Variants in RNF148 observed in about 807,000 individuals in gnomAD.
RNF148 encodes ring finger protein 148.
Under a neutral mutation model 21.1 loss-of-function variants are expected in RNF148, and 16 were observed. The observed-to-expected ratio is 0.76, with a 90% CI of 0.51 to 1.15. The LOEUF (loss-of-function observed/expected upper bound fraction) is 1.15, where lower values mean the gene tolerates loss of function less well. Ranked by LOEUF, RNF148 falls within the 50% of genes most tolerant of loss-of-function variation. The pLI is 0.00. For missense variants in RNF148, 424 were observed against 374.2 expected (o/e 1.13, Z -1.10); for synonymous variants, 150 against 136.4 (o/e 1.10, Z -0.69).
chr7:122,702,761 G>T lies in RNF148; in HGVS notation c.-11C>A, dbSNP rs779944577. 6.0e-5 allele frequency: 94 copies of T among 1,570,292 alleles called. No homozygotes were observed. The South Asian group carries it at 8.6e-4, about 14-fold the overall frequency. ...TCTAAGGAAGCTCATGCCTCCATTT[G>T]TCTATTAAGAGACAAACATGAGAAA... On this transcript the variant is annotated 5_prime_UTR_variant, in exon 1 of 1. Transcript: ENST00000434824.
Position 122,702,706 on chromosome 7 carries a change from T to G in RNF148, c.45A>C (p.Ser15=), listed in dbSNP as rs745365874. ...RITPSTHSSV[S]SGLLRLSIFL... is the part of the protein sequence containing the mutation. ...AGATACTAAGCCTCAAAAGTCCAGA[T>G]GAAACAGAACTATGCGTCGAAGGGG... The change falls in exon 1 of 1, where the codon TCA becomes TCC. Residue 15 remains serine, a synonymous_variant. Coordinates refer to ENST00000434824, the MANE Select transcript of RNF148 (RefSeq NM_198085.2). 2.0e-5 allele frequency: 32 copies of G among 1,612,300 alleles called. 1 individual carries two copies. The South Asian group carries it at 3.5e-4, about 18-fold the overall frequency.
chr7:122,702,051 T>C lies in RNF148; in HGVS notation c.700A>G (p.Lys234Glu), dbSNP rs1357503437. The change falls in exon 1 of 1, where the codon AAA becomes GAA. Residue 234 changes from lysine to glutamate, a missense_variant. Physicochemically the swap from Lys to Glu is moderately conservative, Grantham distance 56. Transcript: ENST00000434824. ...RRSQIKTDVK[K>E]AIDQLQLRVL... ...CGCAGTTGAAGCTGGTCAATAGCTTTCTTCACATCTGTCTTTATTTGACTT... is the reference window on the plus strand; with the variant it reads ...CGCAGTTGAAGCTGGTCAATAGCTTCCTTCACATCTGTCTTTATTTGACTT... The C allele has an allele frequency of 2.2e-5, 35 of 1,613,630 alleles. No homozygotes were observed. The highest frequency in any genetic ancestry group is 2.7e-5 in the African/African-American group (2 of 75,034).
In RNF148 at chr7:122,702,057, C is replaced by T; in HGVS notation, c.694G>A (p.Val232Met). ...TGAAGCTGGTCAATAGCTTTCTTCA[C>T]ATCTGTCTTTATTTGACTTCGCCTC... ...TRRRSQIKTD[V>M]KKAIDQLQLR... The change falls in exon 1 of 1, where the codon GTG becomes ATG. Residue 232 changes from valine (V) to methionine (M), a missense_variant. By Grantham distance (21) the Val-to-Met change is conservative. Coordinates refer to ENST00000434824, the MANE Select transcript of RNF148 (RefSeq NM_198085.2). 1.2e-6 allele frequency: 2 copies of T among 1,613,604 alleles called. No homozygotes were observed. Among genetic ancestry groups the T allele is most frequent in the East Asian group, 2.2e-5 (1 of 44,870 alleles).
chr7:122,702,336 C>G lies in RNF148; in HGVS notation c.415G>C (p.Val139Leu). ...IYNYQGTGSK[V>L]FPMSHQGTEN... The stretch of plus-strand genomic sequence containing the variant: ...GTCCCCTGGTGAGACATGGGAAATA[C>G]TTTACTGCCCGTACCTTGATAGTTG... The change falls in exon 1 of 1, where the codon GTA becomes CTA. Residue 139 changes from valine to leucine, a missense_variant. Physicochemically the swap from Val to Leu is conservative, Grantham distance 32. Transcript: ENST00000434824. 1 of 1,613,846 alleles carries G rather than the reference C, an allele frequency of 6.2e-7. No individual in the cohort carries two copies. Among genetic ancestry groups the G allele is most frequent in the Non-Finnish European group, 8.5e-7 (1 of 1,179,796 alleles).
At position 122,702,432 on chromosome 7, in the gene RNF148, G is replaced by A. The variant is rs752847373; in HGVS notation, c.319C>T (p.Arg107Cys). The A allele has an allele frequency of 4.0e-5, 65 of 1,613,556 alleles. 1 individual carries two copies. Among genetic ancestry groups the A allele is most frequent in the African/African-American group, 8.0e-5 (6 of 74,854 alleles). ...QADSWLALIE[R>C]GGCTFTHKIN... is the part of the protein sequence containing the mutation. ...TTATGTGTAAAAGTACAGCCTCCAC[G>A]TTCGATGAGGGCCAGCCATGAGTCT... The change falls in exon 1 of 1, where the codon CGT (arginine) becomes TGT (cysteine). Residue 107 changes from arginine to cysteine, a missense_variant. Physicochemically the swap from Arg to Cys is radical, Grantham distance 180. Transcript: ENST00000434824.
In RNF148 at chr7:122,702,460, C is replaced by T; in HGVS notation, c.291G>A (p.Gln97=). 6.2e-7 allele frequency: 1 copy of T among 1,613,792 alleles called. No homozygotes were observed. The highest frequency in any genetic ancestry group is 8.5e-7 in the Non-Finnish European group (1 of 1,179,784). Residue 97 remains glutamine (Q), a synonymous_variant, in exon 1 of 1, where the codon CAG becomes CAA. Transcript: ENST00000434824. ...HPLTNFSRPK[Q]ADSWLALIER... is the part of the protein sequence containing the mutation. ...CGATGAGGGCCAGCCATGAGTCTGC[C>T]TGTTTGGGCCTGCTGAAATTGGTCA...
rs768295004 is a variant in RNF148 at position 122,701,864 on chromosome 7, G to A, written c.887C>T (p.Pro296Leu). The part of the protein sequence containing the change: ...DPWLLAHRTC[P>L]MCKCDILKT ...TTTCAGGATGTCACACTTGCACATG[G>A]GACATGTCCTATGGGCTAAAAGCCA... The change falls in exon 1 of 1, where the codon CCC (proline) becomes CTC (leucine). Residue 296 changes from proline (P) to leucine (L), a missense_variant. Pro to Leu is a moderately conservative substitution (Grantham distance 98). Coordinates refer to ENST00000434824, the MANE Select transcript of RNF148 (RefSeq NM_198085.2). 9 of 1,610,536 alleles carry A rather than the reference G, an allele frequency of 5.6e-6. No individual in the cohort carries two copies. Among genetic ancestry groups the A allele is most frequent in the Non-Finnish European group, 7.6e-6 (9 of 1,178,136 alleles).
Position 122,702,027 on chromosome 7 carries a change from G to A in RNF148, c.724C>T (p.Arg242Ter), listed in dbSNP as rs200113037. 86 of 1,613,452 alleles carry A rather than the reference G, an allele frequency of 5.3e-5. 1 individual carries two copies. Among genetic ancestry groups the A allele is most frequent in the South Asian group, 7.7e-5 (7 of 91,088 alleles). Residue 242 changes from arginine to a stop codon, truncating the protein, a stop_gained, in exon 1 of 1, where the codon CGA (arginine) becomes TGA (stop). Transcript: ENST00000434824. LOFTEE classifies it high-confidence loss of function. ...TCCTCATCCCCTTCTTTGAGAACTC[G>A]CAGTTGAAGCTGGTCAATAGCTTTC... is the stretch of plus-strand genomic sequence containing the variant. ...VKKAIDQLQLRVLKEGDEELD... is the reference protein window; with the variant it reads ...VKKAIDQLQL
rs375968902 is a variant in RNF148, at chr7:122,701,959, T to C, written c.792A>G (p.Thr264=). The change falls in exon 1 of 1, where the codon ACA becomes ACG. Residue 264 remains threonine, a synonymous_variant. Coordinates refer to ENST00000434824, the MANE Select transcript of RNF148 (RefSeq NM_198085.2). The stretch of plus-strand genomic sequence containing the variant: ...TGCGTACTACATCTTGGGGTTTGTA[T>C]GTGTCAAAGCAAACAACACAGTTGT... ...NEDNCVVCFD[T]YKPQDVVRIL... 3 of 1,613,606 alleles carry C rather than the reference T, an allele frequency of 1.9e-6. No homozygotes were observed. The highest frequency in any genetic ancestry group is 2.7e-5 in the African/African-American group (2 of 74,912).
In RNF148 at chr7:122,702,194, C is replaced by T. The variant is rs1357556321; in HGVS notation, c.557G>A (p.Trp186Ter). 4 of 1,613,722 alleles carry T rather than the reference C, an allele frequency of 2.5e-6. No homozygotes were observed. The highest frequency in any genetic ancestry group is 4.5e-5 in the East Asian group (2 of 44,862). ...TAGATACATGATGTAATGGCTCACC[C>T]ACTGCATGTGCATTCTCCCCACTTC... Reference protein sequence around the residue: ...IIEVGRMHMQWVSHYIMYLFT... With the variant: ...IIEVGRMHMQ Residue 186 changes from tryptophan (W) to a stop codon, truncating the protein, a stop_gained, in exon 1 of 1, where the codon TGG becomes TAG. Transcript: ENST00000434824. LOFTEE classifies it high-confidence loss of function.
Position 122,702,805 on chromosome 7 carries a change from TAGA to T in RNF148, c.-58_-56del, listed in dbSNP as rs1422847558. 2 of 1,308,628 alleles carry T rather than the reference TAGA, an allele frequency of 1.5e-6. No homozygotes were observed. Among genetic ancestry groups the T allele is most frequent in the Non-Finnish European group, 1.0e-6 (1 of 958,004 alleles). 81.1% of individuals were successfully genotyped at this position (1,308,628 alleles called of 1,614,324 possible). A position where few individuals can be genotyped will look rare whatever the true frequency, so the allele number is the denominator to read the frequency against. Reference sequence around the variant, plus strand: ...TGAGAAAACAAAACAACATCAGTTGTAGAAGAACATAAAGAAGATAGCTTGTTG... The same window carrying T: ...TGAGAAAACAAAACAACATCAGTTGTAGAACATAAAGAAGATAGCTTGTTG... On this transcript the variant is annotated 5_prime_UTR_variant, in exon 1 of 1. Transcript: ENST00000434824.
At position 122,702,314 on chromosome 7, in the gene RNF148, C is replaced by A. The variant is rs769257087; in HGVS notation, c.437G>T (p.Gly146Val). ...GSKVFPMSHQ[G>V]TENIVAVMIS... is the part of the protein sequence containing the mutation. ...CATCACCGCGACTATATTTTCCGTCCCCTGGTGAGACATGGGAAATACTTT... is the reference window on the plus strand; with the variant it reads ...CATCACCGCGACTATATTTTCCGTCACCTGGTGAGACATGGGAAATACTTT... The change falls in exon 1 of 1, where the codon GGG (glycine) becomes GTG (valine). Residue 146 changes from glycine to valine, a missense_variant. Gly to Val is a moderately radical substitution (Grantham distance 109, BLOSUM62 -3). Transcript: ENST00000434824. The A allele has an allele frequency of 9.3e-6, 15 of 1,613,670 alleles. No individual in the cohort carries two copies. In the Admixed American group the frequency reaches 1.8e-4, roughly 20 times the overall value.
Position 122,701,902 on chromosome 7 carries a change from T to C in RNF148, c.849A>G (p.Ala283=), listed in dbSNP as rs753400672. 2.0e-5 allele frequency: 33 copies of C among 1,613,492 alleles called. No homozygotes were observed. The East Asian group carries it at 7.1e-4, about 35-fold the overall frequency. Reference sequence around the variant, plus strand: ...GGGCTAAAAGCCAGGGGTCAATGCATGCCTTATGGAAAAAATGTTTGCAAG... The same window carrying C: ...GGGCTAAAAGCCAGGGGTCAATGCACGCCTTATGGAAAAAATGTTTGCAAG... The part of the protein sequence containing the change: ...ILTCKHFFHK[A]CIDPWLLAHR... The change falls in exon 1 of 1, where the codon GCA becomes GCG. Residue 283 remains alanine (A), a synonymous_variant. Transcript: ENST00000434824.
chr7:122,702,537 A>C lies in RNF148; in HGVS notation c.214T>G (p.Ser72Ala). 6.2e-7 allele frequency: 1 copy of C among 1,613,560 alleles called. No individual in the cohort carries two copies. The highest frequency in any genetic ancestry group is 8.5e-7 in the Non-Finnish European group (1 of 1,179,672). The part of the protein sequence containing the change: ...FGNHSPLERV[S>A]GVVALPEGWN... ...CCTTCAGGAAGTGCCACCACACCAGACACCCTTTCCAGAGGAGAATGATTC... is the reference window on the plus strand; with the variant it reads ...CCTTCAGGAAGTGCCACCACACCAGCCACCCTTTCCAGAGGAGAATGATTC... Residue 72 changes from serine (S) to alanine (A), a missense_variant, in exon 1 of 1, where the codon TCT (serine) becomes GCT (alanine). Physicochemically the swap from Ser to Ala is moderately conservative, Grantham distance 99 (BLOSUM62 1). Coordinates refer to ENST00000434824, the MANE Select transcript of RNF148 (RefSeq NM_198085.2).
In RNF148 at chr7:122,702,617, G is replaced by A. The variant is rs1323821083; in HGVS notation, c.134C>T (p.Thr45Ile). 6.2e-7 allele frequency: 1 copy of A among 1,613,404 alleles called. No homozygotes were observed. Among genetic ancestry groups the A allele is most frequent in the East Asian group, 2.2e-5 (1 of 44,862 alleles). ...TGTGATCTCATTTCCAACCTGAAAT[G>A]TTATATTCAGGTGAGCTGTCCAAAT... The part of the protein sequence containing the change: ...KAIWTAHLNI[T>I]FQVGNEITSE... Residue 45 changes from threonine (T) to isoleucine (I), a missense_variant, in exon 1 of 1, where the codon ACA (threonine) becomes ATA (isoleucine). Physicochemically the swap from Thr to Ile is moderately conservative, Grantham distance 89. Transcript: ENST00000434824.
At position 122,701,708 on chromosome 7, in the gene RNF148, A is replaced by C; in HGVS notation, c.*125T>G. ...GTTTTATTTTTAAAACACAAATTTCACCCTTGTTCATACTTGGGTAGAGAA... is the reference window on the plus strand; with the variant it reads ...GTTTTATTTTTAAAACACAAATTTCCCCCTTGTTCATACTTGGGTAGAGAA... On this transcript the variant is annotated 3_prime_UTR_variant, in exon 1 of 1. Coordinates refer to ENST00000434824, the MANE Select transcript of RNF148 (RefSeq NM_198085.2). 1 of 532,972 alleles carries C rather than the reference A, an allele frequency of 1.9e-6. No individual in the cohort carries two copies. The allele number at this position is 532,972 out of a possible 1,614,324, so 33.0% of individuals were successfully genotyped here.
At position 122,702,731 on chromosome 7, in the gene RNF148, G is replaced by C. The variant is rs745730099; in HGVS notation, c.20C>G (p.Thr7Ser). The C allele has an allele frequency of 1.2e-6, 2 of 1,605,602 alleles. No homozygotes were observed. MSFLRI[T>S]PSTHSSVSSG... ...TGAAACAGAACTATGCGTCGAAGGGGTAATTCTAAGGAAGCTCATGCCTCC... is the reference window on the plus strand; with the variant it reads ...TGAAACAGAACTATGCGTCGAAGGGCTAATTCTAAGGAAGCTCATGCCTCC... The change falls in exon 1 of 1, where the codon ACC (threonine) becomes AGC (serine). Residue 7 changes from threonine to serine, a missense_variant. Physicochemically the swap from Thr to Ser is moderately conservative, Grantham distance 58. Coordinates refer to ENST00000434824, the MANE Select transcript of RNF148 (RefSeq NM_198085.2).
At position 122,702,139 on chromosome 7, in the gene RNF148, G is replaced by C; in HGVS notation, c.612C>G (p.Tyr204Ter). The C allele has an allele frequency of 6.2e-7, 1 of 1,613,698 alleles. No individual in the cohort carries two copies. Among genetic ancestry groups the C allele is most frequent in the South Asian group, 1.1e-5 (1 of 91,086 alleles). The change falls in exon 1 of 1, where the codon TAC (tyrosine) becomes TAG (stop). Residue 204 changes from tyrosine (Y) to a stop codon, truncating the protein, a stop_gained. Coordinates refer to ENST00000434824, the MANE Select transcript of RNF148 (RefSeq NM_198085.2). LOFTEE classifies it high-confidence loss of function. The stretch of plus-strand genomic sequence containing the variant: ...GTCTCCAGACGCAATCTAAGTAAAA[G>C]TAGGCAATTGTGGCAGCCAGGAAGG... The part of the protein sequence containing the change: ...LFTFLAATIA[Y>*]FYLDCVWRLT...
chr7:122,702,466 G>A lies in RNF148; in HGVS notation c.285C>T (p.Pro95=). The change falls in exon 1 of 1, where the codon CCC becomes CCT. Residue 95 remains proline (P), a synonymous_variant. Coordinates refer to ENST00000434824, the MANE Select transcript of RNF148 (RefSeq NM_198085.2). ...ACHPLTNFSR[P]KQADSWLALI... is the part of the protein sequence containing the mutation. ...GGGCCAGCCATGAGTCTGCCTGTTT[G>A]GGCCTGCTGAAATTGGTCAAAGGAT... is the stretch of plus-strand genomic sequence containing the variant. 1 of 1,613,720 alleles carries A rather than the reference G, an allele frequency of 6.2e-7. No homozygotes were observed. Among genetic ancestry groups the A allele is most frequent in the Admixed American group, 1.7e-5 (1 of 59,966 alleles).
Sources: allele counts gnomAD v4.1 joint callset, GRCh38; gene constraint gnomAD v4.1.1; transcripts MANE v1.5; gene names NCBI Gene and HGNC (gene_info 2026-07-23, HGNC 2026-07-21).